FBXW11: variants seen among roughly 807,000 people sequenced by gnomAD.
FBXW11 encodes the protein F-box and WD repeat domain containing 11.
In FBXW11, 19 loss-of-function variants were observed where a neutral mutation model predicts 77.6. The ratio of observed to expected loss-of-function variants is 0.24; its 90% CI spans 0.17 to 0.36. The LOEUF is 0.36. FBXW11 is among the 10% of genes least tolerant of loss of function. The pLI, the probability that FBXW11 is intolerant of heterozygous loss-of-function variation, is 1.00. For missense variants in FBXW11, 334 were observed against 704.2 expected (o/e 0.47, Z 5.95); for synonymous variants, 235 against 249.4 (o/e 0.94, Z 0.54).
intron 1 of FBXW11, among the ~76,000 whole-genome samples, chr5:171,967,814 G>A (rs1185996895): frequency 6.8e-6 from 1 of 146,954 alleles, no homozygotes; most frequent in Non-Finnish European, 1.5e-5. Context: ...ACTCTAGCCT[G>A]GGCAACAAGA....
chr5:171,916,429 G>A, intron 2 of FBXW11: 1 of 985,088 alleles, frequency 1.0e-6, no homozygotes, highest in Non-Finnish European at 1.2e-6. Context: ...AGGGACAGGA[G>A]GGTGGGGCTC....
chr5:171,971,075 G>A (rs1045956531), intron 1 of FBXW11, among the ~76,000 whole-genome samples: 27 of 152,140 alleles, frequency 1.8e-4, no homozygotes, highest in African/African-American at 6.5e-4. Context: ...AGCTGAAAGG[G>A]ACCTTACAGA....
chr5:171,900,813 C>T (rs551949759), intron 4 of FBXW11, among the ~76,000 whole-genome samples: 45 of 152,254 alleles, frequency 3.0e-4, no homozygotes, highest in African/African-American at 1.1e-3. Flanking sequence ...ATCCTAGAAT[C>T]TTAGAGGTCA....
In FBXW11 at chr5:171,893,428, A is replaced by AAAAAAAAC. The variant is rs1459335386; in HGVS notation, c.715-1825_715-1824insGTTTTTTT. ...AAAAGCACACTTCAAAACCAAAAAA[A>AAAAAAAAC]AAAAAAAAAAAAAAAAAAACTAACC... On this transcript the variant is annotated intron_variant, in intron 6 of 13. Coordinates refer to ENST00000517395, the MANE Select transcript of FBXW11 (RefSeq NM_001378974.1). Among the ~76,000 whole-genome samples the AAAAAAAAC allele has an allele frequency of 1.4e-4, 20 of 138,770 alleles. 1 individual carries two copies. The highest frequency in any genetic ancestry group is 3.1e-4 in the Non-Finnish European group (20 of 64,802). The allele number at this position is 138,770 out of a possible 152,430, so 91.0% of individuals were successfully genotyped here.
intron 1 of FBXW11, among the ~76,000 whole-genome samples, chr5:171,958,984 A>G (rs187828214): frequency 3.3e-5 from 5 of 151,730 alleles, no homozygotes; most frequent in African/African-American, 1.2e-4. Context: ...GATAAATTCT[A>G]TTATCACCCA....
chr5:171,920,554 T>C (rs964338026), intron 2 of FBXW11, among the ~76,000 whole-genome samples: 2 of 151,994 alleles, frequency 1.3e-5, no homozygotes, highest in African/African-American at 2.4e-5. Flanking sequence ...AGTGAGACTC[T>C]ATCTCTTAAA....
Position 171,862,183 on chromosome 5 carries a change from A to C in FBXW11, c.*1944T>G, listed in dbSNP as rs1757133106. On this transcript the variant is annotated 3_prime_UTR_variant, in exon 14 of 14. Transcript: ENST00000517395. ...GTTTGATATTGAAGCTGTAGGATGA[A>C]AAGTGGTCAAAGCTAAATCACTTTC... The C allele has an allele frequency of 6.6e-6, 1 of 152,478 alleles. No homozygotes were observed. Among genetic ancestry groups the C allele is most frequent in the African/African-American group, 2.4e-5 (1 of 41,440 alleles). 9.4% of individuals were successfully genotyped at this position (152,478 alleles called of 1,614,324 possible).
At chr5:171,882,947 T>C (rs1457407970) in intron 7 of FBXW11, among the ~76,000 whole-genome samples, 2 of 144,608 alleles carry the variant, frequency 1.4e-5, no homozygotes, top group Non-Finnish European at 3.0e-5. Flanking sequence ...CTCCCACTCG[T>C]CCCCCCAAGT....
chr5:171,948,454 C>T (rs1294533763), intron 2 of FBXW11, among the ~76,000 whole-genome samples: 1 of 148,476 alleles, frequency 6.7e-6, no homozygotes, highest in Non-Finnish European at 1.5e-5. Context: ...AAAAGTGTTA[C>T]TAGCCAGGCA....
chr5:171,882,292 T>G (rs1418886188), intron 7 of FBXW11, among the ~76,000 whole-genome samples: 2 of 152,136 alleles, frequency 1.3e-5, no homozygotes, highest in Non-Finnish European at 2.9e-5. Flanking sequence ...CATGCACACA[T>G]GTGCACACAC....
chr5:171,950,432 C>T (rs1763246169), intron 2 of FBXW11, among the ~76,000 whole-genome samples: 2 of 151,768 alleles, frequency 1.3e-5, no homozygotes, highest in African/African-American at 2.4e-5. Flanking sequence ...CACCTGTACT[C>T]TCGCCTCCAC....
intron 7 of FBXW11, among the ~76,000 whole-genome samples, chr5:171,885,004 G>A (rs1402610371): frequency 1.3e-5 from 2 of 152,118 alleles, no homozygotes; most frequent in Non-Finnish European, 2.9e-5. Context: ...CTTTTAGTGA[G>A]CCTATACCTC....
chr5:171,985,592 CA>C (rs963284355), intron 1 of FBXW11, among the ~76,000 whole-genome samples: 12 of 148,906 alleles, frequency 8.1e-5, no homozygotes, highest in African/African-American at 1.2e-4. Context: ...TTCGTCTCTA[CA>C]AAAAAAAAAT....
chr5:171,949,973 T>C (rs1207200671), intron 2 of FBXW11, among the ~76,000 whole-genome samples: 1 of 152,140 alleles, frequency 6.6e-6, no homozygotes, highest in African/African-American at 2.4e-5. Flanking sequence ...CACAGAAGTA[T>C]ACAAAGACTT....
At chr5:171,980,788 C>T (rs1765097965) in intron 1 of FBXW11, among the ~76,000 whole-genome samples, 1 of 152,170 alleles carries the variant, frequency 6.6e-6, no homozygotes, top group South Asian at 2.1e-4. Flanking sequence ...ACAAAATATA[C>T]ATCTTGTGAC....
intron 2 of FBXW11, among the ~76,000 whole-genome samples, chr5:171,924,999 A>C (rs1761813912): frequency 6.6e-6 from 1 of 152,174 alleles, no homozygotes; most frequent in Non-Finnish European, 1.5e-5. Context: ...GCCCCGGCAC[A>C]GACTGAGTGC....
intron 9 of FBXW11, among the ~76,000 whole-genome samples, chr5:171,875,828 G>C (rs1458231157): frequency 6.6e-6 from 1 of 152,040 alleles, no homozygotes; most frequent in East Asian, 1.9e-4. Context: ...AGAGTCCACC[G>C]CACTGCGAGT....
At chr5:171,969,941 G>C (rs1764432173) in intron 1 of FBXW11, among the ~76,000 whole-genome samples, 1 of 152,170 alleles carries the variant, frequency 6.6e-6, no homozygotes, top group African/African-American at 2.4e-5. Flanking sequence ...CTGGCCTCCA[G>C]TGATCTGCCC....
At chr5:171,870,726 T>A in intron 11 of FBXW11, 22 bp downstream of exon 11, 1 of 1,514,372 alleles carries the variant, frequency 6.6e-7, no homozygotes, top group Non-Finnish European at 9.2e-7. Context: ...TAGCAGTACA[T>A]CTGAAAATCT....
Sources: gnomAD v4.1 joint callset for allele counts (sites outside exome capture counted in the v4.1 genomes callset) on GRCh38, gnomAD v4.1.1 for gene constraint, MANE v1.5 for transcripts, NCBI Gene and HGNC (gene_info 2026-07-23, HGNC 2026-07-21) for gene names.